Variants in NBN observed in about 807,000 individuals in gnomAD.
NBN encodes nibrin.
Under a neutral mutation model 90.8 loss-of-function variants are expected in NBN, and 88 were observed. The observed-to-expected ratio is 0.97, with a 90% CI of 0.82 to 1.16. The LOEUF is 1.16. Among genes scored for constraint, NBN ranks in the 50% most tolerant of loss-of-function variants. The pLI, the probability that NBN is intolerant of heterozygous loss-of-function variation, is 0.00. For synonymous variants in NBN, 328 were observed against 295.1 expected (o/e 1.11, Z -1.14); for missense variants, 894 against 869.6 (o/e 1.03, Z -0.35).
chr8:89,981,786 C>T (rs781145533), intron 2 of NBN: 17 of 501,600 alleles, frequency 3.4e-5, no homozygotes, highest in Non-Finnish European at 5.6e-5. Flanking sequence ...ATTCTCCTGA[C>T]CCCTCACACA....
intron 11 of NBN, among the ~76,000 whole-genome samples, chr8:89,950,088 A>T (rs1296170533): frequency 6.6e-6 from 1 of 151,928 alleles, no homozygotes; most frequent in African/African-American, 2.4e-5. Context: ...CAATTGTCTC[A>T]AACAGTTTTT....
chr8:89,950,225 C>G (rs1239109415), intron 11 of NBN, among the ~76,000 whole-genome samples: 2 of 152,178 alleles, frequency 1.3e-5, no homozygotes, highest in African/African-American at 2.4e-5. Context: ...CCCTGAGGAA[C>G]TGGTTCCATG....
chr8:89,948,783 C>T (rs1249992492), intron 11 of NBN, among the ~76,000 whole-genome samples: 2 of 152,156 alleles, frequency 1.3e-5, no homozygotes, highest in Admixed American at 6.5e-5. Context: ...TACTTAGGCA[C>T]ATATCATTTA....
Position 89,964,400 on chromosome 8 carries a change from C to T in NBN, c.994+10G>A, listed in dbSNP as rs753761865. 1.9e-6 allele frequency: 3 copies of T among 1,613,492 alleles called. No individual in the cohort carries two copies. Among genetic ancestry groups the T allele is most frequent in the Admixed American group, 3.3e-5 (2 of 60,000 alleles). Reference sequence around the variant, plus strand: ...TTGCTAACGAATCAATAAAATAATGCTTCAATTACCTGTACTGGGATGGCC... The same window carrying T: ...TTGCTAACGAATCAATAAAATAATGTTTCAATTACCTGTACTGGGATGGCC... On this transcript the variant is annotated intron_variant, in intron 8 of 15. Coordinates refer to ENST00000265433, the MANE Select transcript of NBN (RefSeq NM_002485.5).
chr8:89,981,652 C>A, intron 2 of NBN, 129 bp from the exon 3 acceptor site: 1 of 917,680 alleles, frequency 1.1e-6, no homozygotes, highest in South Asian at 1.6e-5. Flanking sequence ...ACAATTACTG[C>A]TTCGGTTGCC....
rs753270166 is a variant in NBN at position 89,943,296 on chromosome 8, C to G, written c.2141G>C (p.Arg714Pro). The G allele has an allele frequency of 3.1e-6, 5 of 1,613,612 alleles. No homozygotes were observed. The highest frequency in any genetic ancestry group is 4.2e-6 in the Non-Finnish European group (5 of 1,179,696). Residue 714 changes from arginine (R) to proline (P), a missense_variant, in exon 14 of 16, where the codon CGA becomes CCA. Arg to Pro is a moderately radical substitution (Grantham distance 103). Transcript: ENST00000265433. ...GGSDLIAHHA[R>P]KNTELEEWLR... ...CCACTCTTCTAGTTCTGTATTCTTT[C>G]GAGCATGATGAGCTATTAGATCTGA...
At chr8:89,981,749 GTTCT>G (rs151031622) in intron 2 of NBN, 1 of 558,450 alleles carries the variant, frequency 1.8e-6, no homozygotes, top group African/African-American at 1.9e-5. Flanking sequence ...GAACACACAT[GTTCT>G]TTATTTGTGT....
intron 5 of NBN, among the ~76,000 whole-genome samples, chr8:89,977,513 T>C (rs2129882258): frequency 6.6e-6 from 1 of 152,292 alleles, no homozygotes; most frequent in East Asian, 1.9e-4. Context: ...TTTGCTGTTG[T>C]TAATAGTGCT....
chr8:89,935,743 A>T, intron 15 of NBN, 131 bp from the exon 16 acceptor site: 4 of 1,094,674 alleles, frequency 3.7e-6, no homozygotes, highest in Non-Finnish European at 4.0e-6. Flanking sequence ...CCTTAGGATC[A>T]GATACTAAGC....
intron 11 of NBN, among the ~76,000 whole-genome samples, chr8:89,949,440 A>C (rs1351571797): frequency 6.6e-6 from 1 of 152,214 alleles, no homozygotes; most frequent in African/African-American, 2.4e-5. Context: ...AGGAGAGTAC[A>C]ATGAAGTGAA....
At chr8:89,955,646 T>C in intron 9 of NBN, 91 bp from the exon 10 acceptor site, 5 of 1,370,346 alleles carry the variant, frequency 3.6e-6, no homozygotes, top group Non-Finnish European at 5.0e-6. Flanking sequence ...TCTAACGTAA[T>C]ATAACCTTAG....
rs902834183 is a variant in NBN at position 89,947,049 on chromosome 8, GA to G, written c.1915-755del. 7.9e-3 allele frequency among the ~76,000 whole-genome samples: 1,164 copies of G among 148,000 alleles called. 17 individuals are homozygous for G. The highest frequency in any genetic ancestry group is 0.028 in the African/African-American group (1,121 of 40,358). ...GGTCTAAGATAAAAGCAGTCAAAAA[GA>G]AAAAAAAAGGGGAAAGTCAGAAAAA... On this transcript the variant is annotated intron_variant, in intron 12 of 15. Transcript: ENST00000265433.
chr8:89,946,853 T>G (rs912897591), intron 12 of NBN, among the ~76,000 whole-genome samples: 3 of 152,202 alleles, frequency 2.0e-5, no homozygotes, highest in Non-Finnish European at 2.9e-5. Flanking sequence ...CTGTTAAATT[T>G]GCCTCAAGAG....
chr8:89,979,683 T>C lies in NBN; in HGVS notation c.480+1051A>G, dbSNP rs534996063. 8.1e-4 allele frequency among the ~76,000 whole-genome samples: 123 copies of C among 152,302 alleles called. 1 individual carries two copies. Among genetic ancestry groups the C allele is most frequent in the African/African-American group, 2.6e-3 (106 of 41,568 alleles). ...AAAAAAATATAACAACAAGGTTTTC[T>C]ATTTTGGCATATGAATGACCAGGAA... On this transcript the variant is annotated intron_variant, in intron 4 of 15. Coordinates refer to ENST00000265433, the MANE Select transcript of NBN (RefSeq NM_002485.5).
intron 13 of NBN, among the ~76,000 whole-genome samples, chr8:89,944,239 G>A (rs376099185): frequency 6.6e-6 from 1 of 152,092 alleles, no homozygotes; most frequent in African/African-American, 2.4e-5. Context: ...AAGACCAACC[G>A]GTGACCATCA....
intron 9 of NBN, among the ~76,000 whole-genome samples, chr8:89,956,003 T>C (rs1326732487): frequency 6.6e-6 from 1 of 151,806 alleles, no homozygotes; most frequent in Non-Finnish European, 1.5e-5. Context: ...TAAAATCACA[T>C]ATAAGATATT....
intron 1 of NBN, among the ~76,000 whole-genome samples, chr8:89,983,109 AAG>A (rs1812154699): frequency 6.6e-6 from 1 of 152,182 alleles, no homozygotes; most frequent in African/African-American, 2.4e-5. Flanking sequence ...TACAATAAAA[AAG>A]AGAAAAAGAA....
intron 8 of NBN, among the ~76,000 whole-genome samples, chr8:89,962,874 T>C (rs1811056314): frequency 6.6e-6 from 1 of 152,190 alleles, no homozygotes; most frequent in Non-Finnish European, 1.5e-5. Flanking sequence ...ACACCACCAT[T>C]TCTCAAAACG....
chr8:89,939,461 C>T (rs762714393), intron 14 of NBN, among the ~76,000 whole-genome samples: 10 of 151,796 alleles, frequency 6.6e-5, no homozygotes, highest in Non-Finnish European at 2.9e-5. Flanking sequence ...AGAAAAAAGT[C>T]AGCAGCTGTA....
Sources: gnomAD v4.1 joint callset for allele counts (sites outside exome capture counted in the v4.1 genomes callset) on GRCh38, gnomAD v4.1.1 for gene constraint, MANE v1.5 for transcripts, NCBI Gene and HGNC (gene_info 2026-07-23, HGNC 2026-07-21) for gene names.